Variants in TICRR observed in about 807,000 individuals in gnomAD.
TICRR encodes TOPBP1 interacting checkpoint and replication regulator.
In TICRR, 132 loss-of-function variants were observed where a neutral mutation model predicts 178.1. The observed-to-expected ratio is 0.74, with a 90% CI of 0.64 to 0.86. TICRR has a LOEUF of 0.86. Ranked by LOEUF, TICRR falls within the 40% of genes least tolerant of loss-of-function variation. TICRR has a pLI of 0.00. For missense variants in TICRR, 2,587 were observed against 2,334.3 expected (o/e 1.11, Z -2.23); for synonymous variants, 991 against 900.7 (o/e 1.10, Z -1.79).
At position 89,582,953 on chromosome 15, in the gene TICRR, C is replaced by T. The variant is rs1427564541; in HGVS notation, c.922C>T (p.Leu308Phe). The change falls in exon 2 of 22, where the codon CTC becomes TTC. Residue 308 changes from leucine (L) to phenylalanine (F), a missense_variant. By Grantham distance (22) the Leu-to-Phe change is conservative. Coordinates refer to ENST00000268138, the MANE Select transcript of TICRR (RefSeq NM_152259.4). ...TCCACGAATGGAAGGAATGTTATTT[C>T]TCCCTGTTGAAGGTAAGCAAATAAT... ...SFPRMEGMLF[L>F]PVEAGKEIQE... is the part of the protein sequence containing the mutation. 1.2e-6 allele frequency: 2 copies of T among 1,611,676 alleles called. No homozygotes were observed. The highest frequency in any genetic ancestry group is 1.7e-5 in the Admixed American group (1 of 59,920).
chr15:89,582,579 C>T lies in TICRR; in HGVS notation c.655-107C>T, dbSNP rs1330983332. On this transcript the variant is annotated intron_variant, in intron 1 of 21. Transcript: ENST00000268138. Reference sequence around the variant, plus strand: ...CAGCAAATACATTGGTTGTGTAATTCGATCCTTTAATATTGGTATCAACTT... The same window carrying T: ...CAGCAAATACATTGGTTGTGTAATTTGATCCTTTAATATTGGTATCAACTT... 21 of 1,026,656 alleles carry T rather than the reference C, an allele frequency of 2.0e-5. No individual in the cohort carries two copies. The East Asian group carries it at 2.2e-4, about 11-fold the overall frequency. 63.6% of individuals were successfully genotyped at this position (1,026,656 alleles called of 1,614,324 possible).
chr15:89,588,529 A>G (rs777844565), intron 4 of TICRR, among the ~76,000 whole-genome samples: 6 of 152,170 alleles, frequency 3.9e-5, no homozygotes, highest in Non-Finnish European at 7.4e-5. Flanking sequence ...GATCAGATCA[A>G]TGGGTTATAG....
Position 89,621,517 on chromosome 15 carries a change from C to A in TICRR, c.3279C>A (p.Asn1093Lys), listed in dbSNP as rs779442057. The change falls in exon 19 of 22, where the codon AAC becomes AAA. Residue 1093 changes from asparagine to lysine, a missense_variant. By Grantham distance (94) the Asn-to-Lys change is moderately conservative. Coordinates refer to ENST00000268138, the MANE Select transcript of TICRR (RefSeq NM_152259.4). Reference sequence around the variant, plus strand: ...CTCGAATGAAAAAGCGTTCAAGAAACACTTTGGATTCGGAGGTACCTGCAG... The same window carrying A: ...CTCGAATGAAAAAGCGTTCAAGAAAAACTTTGGATTCGGAGGTACCTGCAG... ...GSARMKKRSR[N>K]TLDSEVPAAY... 4 of 1,613,620 alleles carry A rather than the reference C, an allele frequency of 2.5e-6. No individual in the cohort carries two copies.
chr15:89,620,984 G>A (rs1963415862), intron 18 of TICRR, among the ~76,000 whole-genome samples: 1 of 151,222 alleles, frequency 6.6e-6, no homozygotes, highest in South Asian at 2.1e-4. Flanking sequence ...GCCTCCCAAA[G>A]TGCTGGGATT....
chr15:89,604,144 A>G (rs1329446006), intron 13 of TICRR, among the ~76,000 whole-genome samples: 5 of 152,250 alleles, frequency 3.3e-5, no homozygotes, highest in Non-Finnish European at 7.3e-5. Flanking sequence ...TGCATGAACT[A>G]TCTGAGAAGA....
Position 89,601,856 on chromosome 15 carries a change from A to G in TICRR, c.2447A>G (p.Gln816Arg). The G allele has an allele frequency of 6.2e-7, 1 of 1,614,148 alleles. No individual in the cohort carries two copies. Among genetic ancestry groups the G allele is most frequent in the Non-Finnish European group, 8.5e-7 (1 of 1,180,010 alleles). ...TTTTTCAGTGATGACTCCATGACAC[A>G]AGAGAACAAATCACCACTTCTTTCT... ...TDFFSDDSMT[Q>R]ENKSPLLSVP... Residue 816 changes from glutamine to arginine, a missense_variant, in exon 12 of 22, where the codon CAA becomes CGA. Physicochemically the swap from Gln to Arg is conservative, Grantham distance 43 (BLOSUM62 1). Transcript: ENST00000268138.
At chr15:89,609,810 T>C (rs536642575) in intron 15 of TICRR, among the ~76,000 whole-genome samples, 67 of 152,170 alleles carry the variant, frequency 4.4e-4, no homozygotes, top group Non-Finnish European at 6.5e-4. Context: ...TTTTTTTTTT[T>C]CCCTCTATTG....
chr15:89,621,153 G>A (rs1963418671), intron 18 of TICRR, among the ~76,000 whole-genome samples: 1 of 152,112 alleles, frequency 6.6e-6, no homozygotes, highest in Non-Finnish European at 1.5e-5. Context: ...CTGAGTAGCT[G>A]GGATTACAGG....
At position 89,575,702 on chromosome 15, in the gene TICRR, G is replaced by A. The variant is rs1305708681; in HGVS notation, c.116G>A (p.Gly39Asp). Reference protein sequence around the residue: ...RLLTYLSCRFGLARVHWAFKF... With the variant: ...RLLTYLSCRFDLARVHWAFKF... ...CTCACCTATCTGAGTTGCCGATTCG[G>A]CCTGGCCAGGGTCCACTGGGCCTTC... is the stretch of plus-strand genomic sequence containing the variant. The change falls in exon 1 of 22, where the codon GGC becomes GAC. Residue 39 changes from glycine to aspartate, a missense_variant. Coordinates refer to ENST00000268138, the MANE Select transcript of TICRR (RefSeq NM_152259.4). 3 of 1,607,012 alleles carry A rather than the reference G, an allele frequency of 1.9e-6. No individual in the cohort carries two copies. The East Asian group carries it at 6.7e-5, about 36-fold the overall frequency.
chr15:89,623,718 A>G lies in TICRR; in HGVS notation c.3408A>G (p.Glu1136=). The change falls in exon 20 of 22, where the codon GAA becomes GAG. Residue 1136 remains glutamate (E), a synonymous_variant. Coordinates refer to ENST00000268138, the MANE Select transcript of TICRR (RefSeq NM_152259.4). ...CACAAACTCCGTTGTATACTCCAGA[A>G]AGGCTGCAGAAGTCCCCTGCAAAAA... ...HTPQTPLYTP[E]RLQKSPAKMT... The G allele has an allele frequency of 6.2e-7, 1 of 1,614,106 alleles. No individual in the cohort carries two copies.
At chr15:89,583,203 A>T (rs1962761700) in intron 2 of TICRR, among the ~76,000 whole-genome samples, 1 of 152,216 alleles carries the variant, frequency 6.6e-6, no homozygotes, top group Non-Finnish European at 1.5e-5. Context: ...ATTGATTTTA[A>T]AGTTTACCAG....
intron 19 of TICRR, among the ~76,000 whole-genome samples, chr15:89,621,975 A>G (rs1596058689): frequency 7.4e-6 from 1 of 134,798 alleles, no homozygotes; most frequent in South Asian, 2.3e-4. Flanking sequence ...TTATTTACAA[A>G]CTGACTCTTT....
chr15:89,617,703 T>C (rs1567050379), intron 16 of TICRR, among the ~76,000 whole-genome samples: 1 of 149,262 alleles, frequency 6.7e-6, no homozygotes, highest in Non-Finnish European at 1.5e-5. Context: ...TTTTTTTTTT[T>C]TTTTTTTGAG....
In TICRR at chr15:89,602,911, T is replaced by C; in HGVS notation, c.2664+19T>C. On this transcript the variant is annotated intron_variant, in intron 13 of 21. Transcript: ENST00000268138. Reference sequence around the variant, plus strand: ...GAAAAAAGTAAGTAAACCTTCCAGCTTGAGATGACACAGTAAATAAGAACA... The same window carrying C: ...GAAAAAAGTAAGTAAACCTTCCAGCCTGAGATGACACAGTAAATAAGAACA... The C allele has an allele frequency of 7.3e-7, 1 of 1,369,362 alleles. No individual in the cohort carries two copies. Among genetic ancestry groups the C allele is most frequent in the Non-Finnish European group, 9.8e-7 (1 of 1,025,184 alleles). 84.8% of individuals were successfully genotyped at this position (1,369,362 alleles called of 1,614,324 possible).
chr15:89,581,137 C>T (rs913907900), intron 1 of TICRR, among the ~76,000 whole-genome samples: 2 of 152,196 alleles, frequency 1.3e-5, no homozygotes, highest in African/African-American at 4.8e-5. Flanking sequence ...CCCTGCTTGT[C>T]TTTGAACTTG....
At chr15:89,583,676 C>G (rs1962770049) in intron 2 of TICRR, among the ~76,000 whole-genome samples, 2 of 151,884 alleles carry the variant, frequency 1.3e-5, no homozygotes, top group South Asian at 2.1e-4. Flanking sequence ...TGCTTGAATA[C>G]TTACTTCTTT....
intron 3 of TICRR, among the ~76,000 whole-genome samples, 193 bp downstream of exon 3, chr15:89,584,720 T>C (rs183430105): frequency 4.2e-4 from 64 of 152,346 alleles, no homozygotes; most frequent in Non-Finnish European, 8.4e-4. Flanking sequence ...AAATTGCATG[T>C]ACCAAGAATC....
Position 89,603,140 on chromosome 15 carries a change from T to A in TICRR, c.2664+248T>A, listed in dbSNP as rs183166597. 4.6e-3 allele frequency among the ~76,000 whole-genome samples: 707 copies of A among 152,234 alleles called. 11 individuals carry two copies. The highest frequency in any genetic ancestry group is 0.016 in the African/African-American group (677 of 41,536). ...CAAGTAAAAGTTAGGAATGAATTAA[T>A]TCAAAATCTTTAATGTAGATAGGAA... On this transcript the variant is annotated intron_variant, in intron 13 of 21. Transcript: ENST00000268138.
rs746941318 is a variant in TICRR, at chr15:89,625,386, G to A, written c.5076G>A (p.Val1692=). 3.1e-6 allele frequency: 5 copies of A among 1,613,868 alleles called. No individual in the cohort carries two copies. The East Asian group carries it at 1.1e-4, about 36-fold the overall frequency. Residue 1692 remains valine, a synonymous_variant, in exon 20 of 22, where the codon GTG becomes GTA. Coordinates refer to ENST00000268138, the MANE Select transcript of TICRR (RefSeq NM_152259.4). ...ACTGGCCCAGGAGGAAGAGGGCGGT[G>A]GGCTGTGGCGCCGGCTCCTCTTCCG... is the stretch of plus-strand genomic sequence containing the variant. ...IKDWPRRKRA[V]GCGAGSSSGR...
Sources: allele counts gnomAD v4.1 joint callset (sites outside exome capture counted in the v4.1 genomes callset), GRCh38; gene constraint gnomAD v4.1.1; transcripts MANE v1.5; gene names NCBI Gene and HGNC (gene_info 2026-07-23, HGNC 2026-07-21).